The following ARHGAP22 variants were observed in gnomAD, a reference collection of about 807,000 sequenced individuals.
ARHGAP22 encodes rho GTPase-activating protein 22.
A neutral mutation model predicts 59.1 loss-of-function variants in ARHGAP22; 48 were observed. The ratio of observed to expected loss-of-function variants is 0.81; its 90% confidence interval spans 0.64 to 1.03. The LOEUF (loss-of-function observed/expected upper bound fraction) is 1.03, where lower values mean the gene tolerates loss of function less well. Among genes scored for constraint, ARHGAP22 ranks in the 50% least tolerant of loss-of-function variants. The pLI, the probability that ARHGAP22 is intolerant of heterozygous loss-of-function variation, is 0.00. For synonymous variants in ARHGAP22, 445 were observed against 416.4 expected (o/e 1.07, Z -0.84); for missense variants, 1,015 against 958.7 (o/e 1.06, Z -0.78).
intron 8 of ARHGAP22, 66 bp downstream of exon 8, chr10:48,453,238 G>C: frequency 6.2e-7 from 1 of 1,603,234 alleles, no homozygotes; most frequent in Non-Finnish European, 8.5e-7. Flanking sequence ...CCAAGGACTT[G>C]CCGTGGACCA....
chr10:48,436,632 T>C, the ARHGAP22 span: 1 of 152,234 alleles, frequency 6.6e-6, no homozygotes, highest in Non-Finnish European at 1.5e-5. Flanking sequence ...TTGCTTGGCA[T>C]TTTATTCATA....
At chr10:48,641,692 G>A (rs528902868) in intron 1 of ARHGAP22, among the ~76,000 whole-genome samples, 2 of 152,296 alleles carry the variant, frequency 1.3e-5, no homozygotes, top group African/African-American at 4.8e-5. Context: ...CACAAGACAG[G>A]GATGCCCTCT....
At chr10:48,631,472 T>C (rs1325229248) in intron 1 of ARHGAP22, among the ~76,000 whole-genome samples, 1 of 152,236 alleles carries the variant, frequency 6.6e-6, no homozygotes, top group Non-Finnish European at 1.5e-5. Flanking sequence ...TTATTTAACT[T>C]CTTTAATAGT....
intron 3 of ARHGAP22, among the ~76,000 whole-genome samples, chr10:48,553,591 G>A (rs149976106): frequency 2.0e-5 from 3 of 152,288 alleles, no homozygotes; most frequent in South Asian, 2.1e-4. Flanking sequence ...TAGGTCTGAC[G>A]ACATTCCCTA....
At chr10:48,610,428 T>C (rs915351746) in intron 1 of ARHGAP22, among the ~76,000 whole-genome samples, 12 of 152,200 alleles carry the variant, frequency 7.9e-5, no homozygotes, top group Non-Finnish European at 1.8e-4. Flanking sequence ...CATTCAGCCC[T>C]GGTCTGTGGG....
chr10:48,499,708 G>C (rs560884465), intron 3 of ARHGAP22, among the ~76,000 whole-genome samples: 2 of 152,320 alleles, frequency 1.3e-5, no homozygotes, highest in Non-Finnish European at 2.9e-5. Flanking sequence ...GTTTATATGT[G>C]TGGAAGTTCT....
upstream of ARHGAP22, chr10:48,605,231 T>G: frequency 1.1e-6 from 1 of 891,846 alleles, no homozygotes; most frequent in Non-Finnish European, 1.4e-6. Context: ...GGCCATCCTT[T>G]GCTGAGGCTG....
chr10:48,568,027 C>T (rs1374958931), intron 2 of ARHGAP22, among the ~76,000 whole-genome samples: 1 of 152,180 alleles, frequency 6.6e-6, no homozygotes, highest in Non-Finnish European at 1.5e-5. Flanking sequence ...ATCCATTTAA[C>T]TAATAATGAT....
At chr10:48,480,986 G>A (rs139881171) in intron 3 of ARHGAP22, among the ~76,000 whole-genome samples, 8 of 152,376 alleles carry the variant, frequency 5.3e-5, no homozygotes, top group East Asian at 1.9e-4. Context: ...CAGCGGGCCC[G>A]TGGGGAGGCA....
At chr10:48,532,721 G>A (rs1474696093) in intron 3 of ARHGAP22, 4 of 148,782 alleles carry the variant, frequency 2.7e-5, no homozygotes, top group Non-Finnish European at 5.9e-5. Flanking sequence ...CCACCTATGA[G>A]TGAGAACATG....
chr10:48,536,232 G>A (rs146152919), intron 3 of ARHGAP22, among the ~76,000 whole-genome samples: 3 of 152,220 alleles, frequency 2.0e-5, no homozygotes, highest in Non-Finnish European at 2.9e-5. Context: ...ATGGGCACAG[G>A]GTGGTATCTT....
chr10:48,543,550 T>C (rs897753768), intron 3 of ARHGAP22, among the ~76,000 whole-genome samples: 20 of 152,214 alleles, frequency 1.3e-4, no homozygotes, highest in Non-Finnish European at 5.9e-5. Context: ...TTTTCTTTTT[T>C]CTGCTGTCTC....
intron 1 of ARHGAP22, among the ~76,000 whole-genome samples, chr10:48,651,196 T>C (rs1315056199): frequency 6.6e-6 from 1 of 152,186 alleles, no homozygotes; most frequent in Non-Finnish European, 1.5e-5. Context: ...AAAAGCACCT[T>C]GGGTGATTTT....
Position 48,496,565 on chromosome 10 carries a change from G to A in ARHGAP22, c.323-16801C>T, listed in dbSNP as rs117272301. ...GCCCAGAGCTGCTGCCTCCAGGGCTGCCTGTTCTGGCCGCTCTCTTCACCT... is the reference window on the plus strand; with the variant it reads ...GCCCAGAGCTGCTGCCTCCAGGGCTACCTGTTCTGGCCGCTCTCTTCACCT... On this transcript the variant is annotated intron_variant, in intron 3 of 9. Coordinates refer to ENST00000249601, the MANE Select transcript of ARHGAP22 (RefSeq NM_021226.4). 2.0e-4 allele frequency among the ~76,000 whole-genome samples: 31 copies of A among 152,300 alleles called. No individual in the cohort carries two copies. In the East Asian group the frequency reaches 5.6e-3, roughly 28 times the overall value.
At chr10:48,467,896 G>A (rs761358314) in intron 4 of ARHGAP22, among the ~76,000 whole-genome samples, 21 of 152,172 alleles carry the variant, frequency 1.4e-4, no homozygotes, top group Non-Finnish European at 2.5e-4. Flanking sequence ...CAAGCTGGAC[G>A]TGCAGAGCTG....
chr10:48,540,721 A>T (rs1284266141), intron 3 of ARHGAP22, among the ~76,000 whole-genome samples: 1 of 151,672 alleles, frequency 6.6e-6, no homozygotes, highest in Non-Finnish European at 1.5e-5. Flanking sequence ...TGAGAACTAG[A>T]CTCCATTTCT....
At chr10:48,579,400 AC>A (rs1392388166) in intron 2 of ARHGAP22, among the ~76,000 whole-genome samples, 1 of 152,222 alleles carries the variant, frequency 6.6e-6, no homozygotes, top group African/African-American at 2.4e-5. Flanking sequence ...GGAAGCCTCT[AC>A]TTGTGAAACT....
chr10:48,562,380 A>G (rs891477904), intron 2 of ARHGAP22, among the ~76,000 whole-genome samples: 3 of 152,212 alleles, frequency 2.0e-5, no homozygotes, highest in Non-Finnish European at 2.9e-5. Context: ...AAAATTTGCT[A>G]TAATGCAAAT....
intron 8 of ARHGAP22, chr10:48,451,518 T>TCAC: frequency 1.4e-6 from 1 of 702,402 alleles, no homozygotes; most frequent in Non-Finnish European, 2.6e-6. Flanking sequence ...CTGCCCCACG[T>TCAC]CACCCCTCTG....
Sources: gnomAD v4.1 joint callset for allele counts (sites outside exome capture counted in the v4.1 genomes callset) on GRCh38, gnomAD v4.1.1 for gene constraint, MANE v1.5 for transcripts, NCBI Gene and HGNC (gene_info 2026-07-23, HGNC 2026-07-21) for gene names.